PSTPIP2: variants seen among roughly 807,000 people sequenced by gnomAD.
PSTPIP2 encodes proline-serine-threonine phosphatase-interacting protein 2.
A neutral mutation model predicts 63.3 loss-of-function variants in PSTPIP2; 33 were observed. The observed-to-expected ratio is 0.52, with a 90% CI of 0.40 to 0.70. The LOEUF (loss-of-function observed/expected upper bound fraction) is 0.70, where lower values mean the gene tolerates loss of function less well. Ranked by LOEUF, PSTPIP2 falls within the 30% of genes least tolerant of loss-of-function variation. The probability of loss-of-function intolerance (pLI) is 0.00; values close to 1 mark genes in which losing one functional copy is unlikely to be tolerated. For missense variants in PSTPIP2, 312 were observed against 400.7 expected (o/e 0.78, Z 1.89); for synonymous variants, 125 against 132.7 (o/e 0.94, Z 0.40).
intron 2 of PSTPIP2, among the ~76,000 whole-genome samples, chr18:46,038,878 T>C (rs984200092): frequency 4.6e-5 from 7 of 152,286 alleles, no homozygotes; most frequent in Admixed American, 3.3e-4. Context: ...GGCTCACACC[T>C]GTAATCCCAG....
intron 1 of PSTPIP2, among the ~76,000 whole-genome samples, chr18:46,071,838 C>G (rs1909403845): frequency 6.6e-6 from 1 of 152,262 alleles, no homozygotes; most frequent in Non-Finnish European, 1.5e-5. Flanking sequence ...TCTCGGCTCT[C>G]TGCGTCCTCA....
chr18:46,029,458 C>G, intron 2 of PSTPIP2: 1 of 1,252,490 alleles, frequency 8.0e-7, no homozygotes, highest in Non-Finnish European at 1.2e-6. Flanking sequence ...GGTGCCTTAA[C>G]AGATTTGTTG....
At position 45,992,099 on chromosome 18, in the gene PSTPIP2, C is replaced by A. The variant is rs910883149; in HGVS notation, c.838+7G>T. ...AATAACACTCCCCACCCCACTGCCC[C>A]ATTCACCTGGTGGAATCTGTCCAGT... On this transcript the variant is annotated splice_region_variant and intron_variant, in intron 11 of 14. Transcript: ENST00000409746. The A allele has an allele frequency of 3.1e-6, 5 of 1,604,844 alleles. No individual in the cohort carries two copies. The highest frequency in any genetic ancestry group is 2.2e-5 in the East Asian group (1 of 44,790).
rs565086098 is a variant in PSTPIP2 at position 46,012,164 on chromosome 18, G to GA, written c.248-878dup. 1.1e-3 allele frequency among the ~76,000 whole-genome samples: 164 copies of GA among 151,974 alleles called. 1 individual carries two copies. Among genetic ancestry groups the GA allele is most frequent in the African/African-American group, 3.8e-3 (159 of 41,460 alleles). ...AAATACACCCAGCCTTAAAACTACT[G>GA]AAAAAAATGCAAAACTTTAAAATGT... On this transcript the variant is annotated intron_variant, in intron 4 of 14. Transcript: ENST00000409746.
At chr18:46,034,608 G>A (rs1907899048) in intron 2 of PSTPIP2, among the ~76,000 whole-genome samples, 1 of 152,028 alleles carries the variant, frequency 6.6e-6, no homozygotes, top group Non-Finnish European at 1.5e-5. Flanking sequence ...AAGATCAGTG[G>A]GTACCATTTA....
At chr18:46,024,323 G>T (rs1425003092) in intron 3 of PSTPIP2, among the ~76,000 whole-genome samples, 1 of 151,750 alleles carries the variant, frequency 6.6e-6, no homozygotes, top group African/African-American at 2.4e-5. Context: ...TTTTTAGTAG[G>T]GATGGGGTTT....
At chr18:45,990,596 AT>A (rs1466789761) in intron 13 of PSTPIP2, 125 bp downstream of exon 13, 1 of 741,408 alleles carries the variant, frequency 1.3e-6, no homozygotes, top group Non-Finnish European at 2.2e-6. Context: ...CACCCAGCTA[AT>A]TTTTGTATTT....
In PSTPIP2 at chr18:46,027,350, T is replaced by A. The variant is rs536177163; in HGVS notation, c.135-2664A>T. 8.2e-3 allele frequency among the ~76,000 whole-genome samples: 1,206 copies of A among 147,958 alleles called. 18 individuals carry two copies. The highest frequency in any genetic ancestry group is 0.031 in the Admixed American group (462 of 14,872). ...TAAATAAATAAATAAATAAAAATAT[T>A]AAAAAAATTTTTTTTAAAGAATAAG... On this transcript the variant is annotated intron_variant, in intron 2 of 14. Coordinates refer to ENST00000409746, the MANE Select transcript of PSTPIP2 (RefSeq NM_024430.4).
intron 2 of PSTPIP2, among the ~76,000 whole-genome samples, chr18:46,036,884 T>C (rs1336980492): frequency 6.6e-6 from 1 of 152,180 alleles, no homozygotes; most frequent in Non-Finnish European, 1.5e-5. Context: ...GGTAGGACTC[T>C]GACACTTCTG....
chr18:46,038,935 G>C (rs146637616), intron 2 of PSTPIP2, among the ~76,000 whole-genome samples: 34 of 152,264 alleles, frequency 2.2e-4, no homozygotes, highest in African/African-American at 7.0e-4. Flanking sequence ...TCGAGAGTTT[G>C]AGACCAGCCT....
At chr18:46,000,601 C>A (rs1212592526) in intron 6 of PSTPIP2, among the ~76,000 whole-genome samples, 2 of 152,176 alleles carry the variant, frequency 1.3e-5, no homozygotes, top group Non-Finnish European at 2.9e-5. Context: ...CTCCTGACCT[C>A]AGGTGATCCA....
rs1438388 is a variant in PSTPIP2 at position 45,984,961 on chromosome 18, G to C, written c.*498C>G. ...ACTTGTAGGCTTTATTTCCTCATCT[G>C]TAAAATGAGAAAGTATGATCAGGCG... On this transcript the variant is annotated 3_prime_UTR_variant, in exon 15 of 15. Coordinates refer to ENST00000409746, the MANE Select transcript of PSTPIP2 (RefSeq NM_024430.4). 0.24 allele frequency: 38,762 copies of C among 159,828 alleles called. 7,184 individuals are homozygous for C. Among genetic ancestry groups the C allele is most frequent in the African/African-American group, 0.51 (21,225 of 41,498 alleles). 9.9% of individuals were successfully genotyped at this position (159,828 alleles called of 1,614,324 possible).
chr18:46,004,770 A>G (rs2144074925), intron 6 of PSTPIP2, among the ~76,000 whole-genome samples: 1 of 152,334 alleles, frequency 6.6e-6, no homozygotes, highest in African/African-American at 2.4e-5. Flanking sequence ...GGGAGTATAA[A>G]TTGGTTCAAC....
intron 1 of PSTPIP2, among the ~76,000 whole-genome samples, chr18:46,045,268 C>T (rs1391200229): frequency 1.3e-5 from 2 of 152,156 alleles, no homozygotes; most frequent in African/African-American, 2.4e-5. Flanking sequence ...ACCCAAATGT[C>T]CAACAATGAC....
intron 2 of PSTPIP2, chr18:46,028,350 A>C (rs1907666261): frequency 8.3e-6 from 4 of 483,160 alleles, no homozygotes; most frequent in Non-Finnish European, 1.6e-5. Context: ...AGCCGCCCCA[A>C]AAGGCTGCCG....
chr18:46,034,974 T>C (rs1049825012), intron 2 of PSTPIP2, among the ~76,000 whole-genome samples: 9 of 152,220 alleles, frequency 5.9e-5, no homozygotes, highest in African/African-American at 2.2e-4. Context: ...TTTCTGCTCA[T>C]ATCAGGAGCT....
intron 3 of PSTPIP2, among the ~76,000 whole-genome samples, chr18:46,017,566 A>G (rs1381016955): frequency 6.6e-6 from 1 of 151,586 alleles, no homozygotes; most frequent in Admixed American, 6.6e-5. Context: ...ATTTTTCTTT[A>G]CTTTTAACCT....
chr18:45,992,063 A>G lies in PSTPIP2; in HGVS notation c.838+43T>C, dbSNP rs549116567. The G allele has an allele frequency of 6.9e-6, 11 of 1,594,964 alleles. No homozygotes were observed. In the African/African-American group the frequency reaches 1.5e-4, roughly 21 times the overall value. ...ATGACATCTAACAAGAAAGGCTAAT[A>G]GAATTGTGTAAATAACACTCCCCAC... is the stretch of plus-strand genomic sequence containing the variant. On this transcript the variant is annotated intron_variant, in intron 11 of 14. Coordinates refer to ENST00000409746, the MANE Select transcript of PSTPIP2 (RefSeq NM_024430.4).
intron 1 of PSTPIP2, among the ~76,000 whole-genome samples, chr18:46,054,765 A>G (rs1440583588): frequency 1.3e-5 from 2 of 150,394 alleles, no homozygotes; most frequent in Non-Finnish European, 2.9e-5. Flanking sequence ...GGTTCAAATG[A>G]TTCTCCTGCC....
Sources: gnomAD v4.1 joint callset for allele counts (sites outside exome capture counted in the v4.1 genomes callset) on GRCh38, gnomAD v4.1.1 for gene constraint, MANE v1.5 for transcripts, NCBI Gene and HGNC (gene_info 2026-07-23, HGNC 2026-07-21) for gene names.